Variants in ELP4 observed in about 807,000 individuals in gnomAD.
The protein encoded by ELP4 is elongator complex protein 4.
Under a neutral mutation model 48.9 loss-of-function variants are expected in ELP4, and 51 were observed. The observed-to-expected ratio is 1.04, with a 90% confidence interval of 0.83 to 1.32. The LOEUF is 1.32. ELP4 is among the 40% of genes most tolerant of loss of function. ELP4 has a pLI of 0.00. For synonymous variants in ELP4, 210 were observed against 189.2 expected (o/e 1.11, Z -0.90); for missense variants, 519 against 514.6 (o/e 1.01, Z -0.08).
At chr11:31,667,566 A>T (rs1333593530) in intron 9 of ELP4, among the ~76,000 whole-genome samples, 1 of 152,196 alleles carries the variant, frequency 6.6e-6, no homozygotes, top group Non-Finnish European at 1.5e-5. Context: ...TATTTTAACT[A>T]ATAGTTACCA....
At chr11:31,539,088 G>A (rs1956551388) in intron 2 of ELP4, among the ~76,000 whole-genome samples, 1 of 152,182 alleles carries the variant, frequency 6.6e-6, no homozygotes, top group Non-Finnish European at 1.5e-5. Flanking sequence ...AAGTGTGTAT[G>A]TATGTGCAGG....
chr11:31,591,415 A>G (rs1328467624), intron 3 of ELP4, among the ~76,000 whole-genome samples: 1 of 27,978 alleles, frequency 3.6e-5, no homozygotes. Context: ...CAAAAAAAAA[A>G]AAAAAAAGGG....
chr11:31,648,071 G>A (rs1945242903), intron 8 of ELP4: 2 of 341,024 alleles, frequency 5.9e-6, no homozygotes, highest in Admixed American at 4.3e-5. Context: ...CAAGTACTGA[G>A]GCATGGCTGA....
At chr11:31,605,942 T>G (rs1957867357) in intron 5 of ELP4, among the ~76,000 whole-genome samples, 1 of 152,052 alleles carries the variant, frequency 6.6e-6, no homozygotes, top group Non-Finnish European at 1.5e-5. Context: ...GCTCTTTTTT[T>G]TTTTGTACCG....
At chr11:31,760,128 T>A (rs1156692578) in intron 9 of ELP4, among the ~76,000 whole-genome samples, 1 of 152,236 alleles carries the variant, frequency 6.6e-6, no homozygotes, top group East Asian at 1.9e-4. Flanking sequence ...ACCTTTGGGA[T>A]GGACTCTATA....
At chr11:31,694,008 T>A (rs1184098624) in intron 9 of ELP4, among the ~76,000 whole-genome samples, 2 of 152,190 alleles carry the variant, frequency 1.3e-5, no homozygotes, top group African/African-American at 4.8e-5. Flanking sequence ...TTGATGGGGT[T>A]GTTTGTTTTT....
chr11:31,699,822 T>C (rs1027177832), intron 9 of ELP4, among the ~76,000 whole-genome samples: 3 of 152,096 alleles, frequency 2.0e-5, no homozygotes, highest in Non-Finnish European at 2.9e-5. Context: ...CAGAGTATCA[T>C]GTTAGTGGTT....
chr11:31,735,474 G>T (rs1281970227), intron 9 of ELP4, among the ~76,000 whole-genome samples: 1 of 152,174 alleles, frequency 6.6e-6, no homozygotes, highest in East Asian at 1.9e-4. Context: ...GTTCTGGCCA[G>T]GGCAATCAGG....
In ELP4 at chr11:31,526,539, C is replaced by T. The variant is rs140051114; in HGVS notation, c.259+6448C>T. On this transcript the variant is annotated intron_variant, in intron 2 of 9. Coordinates refer to ENST00000640961, the MANE Select transcript of ELP4 (RefSeq NM_019040.5). ...AAACAAGATGTCTTCAAACATCTAACGTAGTATACTACTTTATCCTAATCC... is the reference window on the plus strand; with the variant it reads ...AAACAAGATGTCTTCAAACATCTAATGTAGTATACTACTTTATCCTAATCC... Among the ~76,000 whole-genome samples, 11 of 151,948 alleles carry T rather than the reference C, an allele frequency of 7.2e-5. No individual in the cohort carries two copies. In the South Asian group the frequency reaches 8.3e-4, roughly 11 times the overall value.
chr11:31,700,804 A>G (rs753191725), intron 9 of ELP4, among the ~76,000 whole-genome samples: 3 of 152,052 alleles, frequency 2.0e-5, no homozygotes, highest in Non-Finnish European at 4.4e-5. Context: ...TTCAAATGCA[A>G]CCCAATGAGA....
chr11:31,778,698 A>G (rs929833206), intron 9 of ELP4, among the ~76,000 whole-genome samples: 1 of 152,174 alleles, frequency 6.6e-6, no homozygotes, highest in Non-Finnish European at 1.5e-5. Flanking sequence ...GACTTTTCTG[A>G]GGTTACGTGG....
intron 9 of ELP4, among the ~76,000 whole-genome samples, chr11:31,766,243 A>G (rs184526649): frequency 6.6e-6 from 1 of 152,162 alleles, no homozygotes; most frequent in African/African-American, 2.4e-5. Context: ...AAAAAAGAAA[A>G]CAATAACCAC....
chr11:31,539,795 A>G lies in ELP4; in HGVS notation c.381+12A>G. On this transcript the variant is annotated intron_variant, in intron 3 of 9. Coordinates refer to ENST00000640961, the MANE Select transcript of ELP4 (RefSeq NM_019040.5). ...CCAACATTTTACAGGTATAGAATATATGAACTTAATATTGCATTTTGAATG... is the reference window on the plus strand; with the variant it reads ...CCAACATTTTACAGGTATAGAATATGTGAACTTAATATTGCATTTTGAATG... 6.3e-7 allele frequency: 1 copy of G among 1,577,770 alleles called. No homozygotes were observed. The highest frequency in any genetic ancestry group is 1.9e-5 in the Admixed American group (1 of 53,318).
chr11:31,741,094 C>T (rs1448783098), intron 9 of ELP4, among the ~76,000 whole-genome samples: 1 of 152,154 alleles, frequency 6.6e-6, no homozygotes. Context: ...GAGATTATAT[C>T]CCGTACCTGT....
At chr11:31,611,154 A>T (rs1442730671) in intron 5 of ELP4, among the ~76,000 whole-genome samples, 2 of 152,062 alleles carry the variant, frequency 1.3e-5, no homozygotes, top group African/African-American at 4.8e-5. Context: ...AGCCCTAGTG[A>T]CTTTTTCAAC....
intron 3 of ELP4, among the ~76,000 whole-genome samples, chr11:31,578,556 A>C (rs757678923): frequency 2.0e-5 from 3 of 152,236 alleles, no homozygotes; most frequent in Non-Finnish European, 4.4e-5. Flanking sequence ...AGGCTACAGT[A>C]ACCAAAACAG....
chr11:31,553,682 TTA>T (rs1565050287), intron 3 of ELP4, among the ~76,000 whole-genome samples: 1 of 148,256 alleles, frequency 6.7e-6, no homozygotes, highest in Non-Finnish European at 1.5e-5. Flanking sequence ...ACATCTATAA[TTA>T]TATGAGACAG....
intron 9 of ELP4, among the ~76,000 whole-genome samples, chr11:31,760,858 C>T (rs967177801): frequency 6.6e-6 from 1 of 152,304 alleles, no homozygotes; most frequent in Non-Finnish European, 1.5e-5. Context: ...ATTGCTTTCT[C>T]AATCCAAAAA....
intron 3 of ELP4, among the ~76,000 whole-genome samples, chr11:31,563,278 G>A (rs1358876517): frequency 6.6e-6 from 1 of 152,110 alleles, no homozygotes; most frequent in Admixed American, 6.5e-5. Flanking sequence ...GTAATGCATT[G>A]GTGATTAAGA....
Sources: gnomAD v4.1 joint callset for allele counts (sites outside exome capture counted in the v4.1 genomes callset) on GRCh38, gnomAD v4.1.1 for gene constraint, MANE v1.5 for transcripts, NCBI Gene and HGNC (gene_info 2026-07-23, HGNC 2026-07-21) for gene names.